NAF1: variants seen among roughly 807,000 people sequenced by gnomAD.
NAF1 encodes the protein H/ACA ribonucleoprotein complex non-core subunit NAF1.
Under a neutral mutation model 40.6 loss-of-function variants are expected in NAF1, and 11 were observed. The observed-to-expected ratio is 0.27, with a 90% CI of 0.17 to 0.45. The LOEUF is 0.45. NAF1 is among the 20% of genes least tolerant of loss of function. The pLI, the probability that NAF1 is intolerant of heterozygous loss-of-function variation, is 1.00. For missense variants in NAF1, 607 were observed against 611.1 expected, an observed-to-expected ratio of 0.99 and a Z score of 0.07; for synonymous variants, 260 against 228.5, an observed-to-expected ratio of 1.14 and a Z score of -1.24.
chr4:163,160,739 A>G (rs1393412649), intron 2 of NAF1, among the ~76,000 whole-genome samples: 1 of 152,214 alleles, frequency 6.6e-6, no homozygotes. Context: ...AGATCCCTGA[A>G]GGTCCAGCAC....
At chr4:163,138,004 A>G (rs1212036061) in intron 5 of NAF1, among the ~76,000 whole-genome samples, 2 of 152,094 alleles carry the variant, frequency 1.3e-5, no homozygotes, top group African/African-American at 2.4e-5. Context: ...AATCTTTTTA[A>G]TTTTGTTAAT....
At chr4:163,149,461 T>A (rs576256682) in intron 2 of NAF1, among the ~76,000 whole-genome samples, 3 of 152,316 alleles carry the variant, frequency 2.0e-5, no homozygotes, top group South Asian at 4.1e-4. Flanking sequence ...CCAGAGTTGA[T>A]AAGCAGACAT....
At chr4:163,164,540 C>T in intron 1 of NAF1, 149 bp from the exon 2 acceptor site, 1 of 601,388 alleles carries the variant, frequency 1.7e-6, no homozygotes, top group Non-Finnish European at 2.6e-6. Context: ...TAAGAAATAT[C>T]AACTTTACTA....
At chr4:163,154,493 T>C (rs1488560465) in intron 2 of NAF1, among the ~76,000 whole-genome samples, 7 of 152,220 alleles carry the variant, frequency 4.6e-5, no homozygotes, top group Non-Finnish European at 8.8e-5. Flanking sequence ...TGAAGCAGTA[T>C]ATATTAATTT....
At chr4:163,104,187 G>A in the NAF1 span, among the ~76,000 whole-genome samples, 1 of 152,066 alleles carries the variant, frequency 6.6e-6, no homozygotes, top group Non-Finnish European at 1.5e-5. Flanking sequence ...TCACAATGGC[G>A]CAATGTCATC....
chr4:163,108,410 T>G (rs1055771531), downstream of NAF1, among the ~76,000 whole-genome samples: 4 of 152,196 alleles, frequency 2.6e-5, no homozygotes, highest in African/African-American at 9.6e-5. Context: ...TGAAGCCTCC[T>G]AAAACAATAG....
At chr4:163,103,970 A>G in the NAF1 span, among the ~76,000 whole-genome samples, 1 of 152,060 alleles carries the variant, frequency 6.6e-6, no homozygotes, top group Non-Finnish European at 1.5e-5. Flanking sequence ...GTGCAGGCGG[A>G]CTGAGTCCAA....
rs759103901 is a variant in NAF1 at position 163,129,185 on chromosome 4, T to C, written c.1197A>G (p.Glu399=). ...CTGAAGTCTCCTGAGATACCATATG[T>C]TCTGAGTTATAGAAATGCTGAGGTG... ...RPPPQHFYNS[E]HMVSQETSGF... Residue 399 remains glutamate (E), a synonymous_variant, in exon 8 of 8, where the codon GAA becomes GAG. Coordinates refer to ENST00000274054, the MANE Select transcript of NAF1 (RefSeq NM_138386.3). The C allele has an allele frequency of 1.2e-6, 2 of 1,613,858 alleles. No individual in the cohort carries two copies. Among genetic ancestry groups the C allele is most frequent in the Non-Finnish European group, 1.7e-6 (2 of 1,179,864 alleles).
chr4:163,128,775 G>A lies in NAF1; in HGVS notation c.*122C>T. 1.6e-6 allele frequency: 2 copies of A among 1,269,290 alleles called. No homozygotes were observed. Among genetic ancestry groups the A allele is most frequent in the Non-Finnish European group, 2.1e-6 (2 of 968,364 alleles). The allele number at this position is 1,269,290 out of a possible 1,614,324, so 78.6% of individuals were successfully genotyped here. A position where few individuals can be genotyped will look rare whatever the true frequency, so the allele number is the denominator to read the frequency against. On this transcript the variant is annotated 3_prime_UTR_variant, in exon 8 of 8. Coordinates refer to ENST00000274054, the MANE Select transcript of NAF1 (RefSeq NM_138386.3). ...TACAAATATATATCAACTTACAACA[G>A]AAGGAATCATTTAGTATTTTACAGT...
chr4:163,154,045 C>T (rs1048346078), intron 2 of NAF1, among the ~76,000 whole-genome samples: 11 of 152,164 alleles, frequency 7.2e-5, no homozygotes, highest in Admixed American at 5.9e-4. Flanking sequence ...CAGCTTCACT[C>T]CTGAGCCAGC....
chr4:163,148,575 T>C (rs1731570415), intron 2 of NAF1, 141 bp from the exon 3 acceptor site: 2 of 576,604 alleles, frequency 3.5e-6, no homozygotes, highest in Non-Finnish European at 6.0e-6. Flanking sequence ...ATCATTTTAG[T>C]GGTTGCAGAC....
chr4:163,116,010 T>A (rs1015245798), intron 2 of NAF1, among the ~76,000 whole-genome samples: 3 of 152,188 alleles, frequency 2.0e-5, no homozygotes, highest in Non-Finnish European at 4.4e-5. Flanking sequence ...GCAAAATTGA[T>A]TTAATAAACC....
chr4:163,108,102 T>A (rs907832795), downstream of NAF1, among the ~76,000 whole-genome samples: 1 of 152,192 alleles, frequency 6.6e-6, no homozygotes, highest in Non-Finnish European at 1.5e-5. Context: ...GCAACATAAT[T>A]TGCATATATC....
chr4:163,133,327 T>C (rs1368896400), intron 6 of NAF1, 71 bp from the exon 7 acceptor site: 2 of 1,209,914 alleles, frequency 1.7e-6, no homozygotes, highest in African/African-American at 1.5e-5. Flanking sequence ...TACTTGGAGG[T>C]GAAGAAAATA....
In NAF1 at chr4:163,166,389, G is replaced by A. The variant is rs1344903517; in HGVS notation, c.339C>T (p.Thr113=). 1.2e-6 allele frequency: 2 copies of A among 1,606,190 alleles called. No individual in the cohort carries two copies. The highest frequency in any genetic ancestry group is 4.5e-5 in the East Asian group (2 of 44,662). The change falls in exon 1 of 8, where the codon ACC becomes ACT. Residue 113 remains threonine (T), a synonymous_variant. Transcript: ENST00000274054. ...TGTCCGAGTCCGAATCCGAGTCCGA[G>A]GTCTCCAAGGAGTCCGGCGCCCGCG... ...EPARAPDSLE[T]SDSDSDSDSE... is the part of the protein sequence containing the mutation.
intron 2 of NAF1, among the ~76,000 whole-genome samples, chr4:163,112,515 C>A (rs975227810): frequency 6.6e-6 from 1 of 152,112 alleles, no homozygotes; most frequent in African/African-American, 2.4e-5. Context: ...TTAACCAACC[C>A]AAAGAGAGCT....
At chr4:163,134,786 A>G (rs1390528991) in intron 6 of NAF1, among the ~76,000 whole-genome samples, 1 of 152,232 alleles carries the variant, frequency 6.6e-6, no homozygotes, top group African/African-American at 2.4e-5. Context: ...TCTGAAAGGC[A>G]AAGTGAAAGC....
At chr4:163,164,161 G>T in intron 2 of NAF1, 56 bp downstream of exon 2, 1 of 1,421,934 alleles carries the variant, frequency 7.0e-7, no homozygotes, top group Non-Finnish European at 9.2e-7. Context: ...ATCAATACTG[G>T]TACCAGAATA....
At chr4:163,147,355 C>T (rs1003516295) in intron 3 of NAF1, among the ~76,000 whole-genome samples, 2 of 152,108 alleles carry the variant, frequency 1.3e-5, no homozygotes, top group East Asian at 3.9e-4. Flanking sequence ...CCTGTGGAGG[C>T]TGGTGGGCAA....
Sources: gnomAD v4.1 joint callset for allele counts (sites outside exome capture counted in the v4.1 genomes callset) on GRCh38, gnomAD v4.1.1 for gene constraint, MANE v1.5 for transcripts, NCBI Gene and HGNC (gene_info 2026-07-23, HGNC 2026-07-21) for gene names.